The following CREB5 variants were observed in gnomAD, a reference collection of about 807,000 sequenced individuals.
CREB5 encodes cAMP responsive element binding protein 5.
Under a neutral mutation model 57.1 loss-of-function variants are expected in CREB5, and 19 were observed. The ratio of observed to expected loss-of-function variants is 0.33; its 90% confidence interval spans 0.23 to 0.49. The LOEUF is 0.49. Ranked by LOEUF, CREB5 falls within the 20% of genes least tolerant of loss-of-function variation. The probability of loss-of-function intolerance (pLI) is 0.99; values close to 1 mark genes in which losing one functional copy is unlikely to be tolerated. For synonymous variants in CREB5, 238 were observed against 238.3 expected (o/e 1.00, Z 0.01); for missense variants, 579 against 671.6 (o/e 0.86, Z 1.52).
intron 4 of CREB5, among the ~76,000 whole-genome samples, chr7:28,550,811 ACATAG>A: frequency 6.6e-6 from 1 of 152,246 alleles, no homozygotes; most frequent in East Asian, 1.9e-4. Context: ...TAAATTGCTT[ACATAG>A]CATCAATAAA....
intron 4 of CREB5, among the ~76,000 whole-genome samples, chr7:28,552,142 G>C (rs576901278): frequency 6.6e-6 from 1 of 152,094 alleles, no homozygotes; most frequent in South Asian, 2.1e-4. Flanking sequence ...CCCAGTTCAA[G>C]TGATTCTCCT....
At chr7:28,421,917 T>C (rs1208192939) in intron 1 of CREB5, among the ~76,000 whole-genome samples, 1 of 129,456 alleles carries the variant, frequency 7.7e-6, no homozygotes, top group East Asian at 2.3e-4. Flanking sequence ...AGAGTGTGTA[T>C]GTGTGTGTAT....
intron 7 of CREB5, among the ~76,000 whole-genome samples, chr7:28,783,664 C>T (rs1807128865): frequency 6.6e-6 from 1 of 152,174 alleles, no homozygotes; most frequent in Non-Finnish European, 1.5e-5. Flanking sequence ...CCAACAGCTG[C>T]ACTGAATTGA....
rs1246731457 is a variant in CREB5, at chr7:28,673,927, G to C, written c.465-44826G>C. Among the ~76,000 whole-genome samples, 7 of 151,920 alleles carry C rather than the reference G, an allele frequency of 4.6e-5. No homozygotes were observed. In the East Asian group the frequency reaches 1.4e-3, roughly 29 times the overall value. On this transcript the variant is annotated intron_variant, in intron 5 of 10. Transcript: ENST00000357727. Reference sequence around the variant, plus strand: ...GGACTCAAGTAATCTGCCCACCTCAGCCTCCCAAAGTGCCAGAATTACAGG... The same window carrying C: ...GGACTCAAGTAATCTGCCCACCTCACCCTCCCAAAGTGCCAGAATTACAGG...
chr7:28,319,755 A>G (rs1785457315), intron 1 of CREB5, among the ~76,000 whole-genome samples: 1 of 152,046 alleles, frequency 6.6e-6, no homozygotes, highest in Non-Finnish European at 1.5e-5. Context: ...GGTCTGCTTC[A>G]AGTGTTATCC....
chr7:28,375,741 GAA>G (rs532292567), intron 1 of CREB5, among the ~76,000 whole-genome samples: 8 of 118,272 alleles, frequency 6.8e-5, no homozygotes, highest in Middle Eastern at 5.4e-3. Flanking sequence ...TTCTGTTATT[GAA>G]AAAAAAAAAA....
At chr7:28,316,479 A>G (rs530526504) in intron 1 of CREB5, among the ~76,000 whole-genome samples, 9 of 152,278 alleles carry the variant, frequency 5.9e-5, no homozygotes, top group African/African-American at 1.9e-4. Flanking sequence ...GAGACAAATC[A>G]ATCAGGATAG....
At position 28,712,785 on chromosome 7, in the gene CREB5, C is replaced by T. The variant is rs1054307984; in HGVS notation, c.465-5968C>T. 1.3e-5 allele frequency among the ~76,000 whole-genome samples: 2 copies of T among 151,786 alleles called. 1 individual carries two copies. The highest frequency in any genetic ancestry group is 4.2e-4 in the South Asian group (2 of 4,816). On this transcript the variant is annotated intron_variant, in intron 5 of 10. Coordinates refer to ENST00000357727, the MANE Select transcript of CREB5 (RefSeq NM_182898.4). ...CTGACCTCAAGCAATCCGCCTGTCT[C>T]GTCCTCCCAAAGTGCTGGGATTATA...
chr7:28,540,771 A>G (rs2128627811), intron 4 of CREB5, among the ~76,000 whole-genome samples: 1 of 152,302 alleles, frequency 6.6e-6, no homozygotes, highest in Non-Finnish European at 1.5e-5. Flanking sequence ...GTAAGGTGTG[A>G]TTGTAAGAAG....
chr7:28,405,773 T>C (rs1424869222), intron 1 of CREB5, among the ~76,000 whole-genome samples: 1 of 152,166 alleles, frequency 6.6e-6, no homozygotes, highest in African/African-American at 2.4e-5. Flanking sequence ...GGCTGACCTC[T>C]TTTCTTCTCC....
chr7:28,576,073 G>A (rs952992677), intron 5 of CREB5, among the ~76,000 whole-genome samples: 6 of 152,186 alleles, frequency 3.9e-5, no homozygotes, highest in African/African-American at 4.8e-5. Flanking sequence ...CCCAGCTCTC[G>A]TCTTCGAATC....
At chr7:28,732,149 C>T (rs930525654) in intron 7 of CREB5, among the ~76,000 whole-genome samples, 1 of 152,050 alleles carries the variant, frequency 6.6e-6, no homozygotes, top group African/African-American at 2.4e-5. Context: ...CTTGGCCCTA[C>T]CTTCTCCACC....
chr7:28,709,697 A>G (rs958791652), intron 5 of CREB5, among the ~76,000 whole-genome samples: 22 of 152,158 alleles, frequency 1.4e-4, no homozygotes, highest in African/African-American at 2.4e-4. Flanking sequence ...AAAAAAAAAA[A>G]AAGAAGAAGA....
intron 5 of CREB5, among the ~76,000 whole-genome samples, chr7:28,620,211 A>G (rs918325518): frequency 6.6e-6 from 1 of 152,168 alleles, no homozygotes; most frequent in Admixed American, 6.6e-5. Flanking sequence ...ACTTTTTAGA[A>G]TTTATTTCAC....
chr7:28,300,093 TATTTATTA>T (rs929231979), intron 1 of CREB5, among the ~76,000 whole-genome samples: 3 of 77,562 alleles, frequency 3.9e-5, no homozygotes, highest in African/African-American at 5.1e-5. Flanking sequence ...TTTATTTATT[TATTTATTA>T]CTACCTTAGG....
intron 4 of CREB5, among the ~76,000 whole-genome samples, chr7:28,551,919 T>C (rs373969813): frequency 6.8e-6 from 1 of 147,840 alleles, no homozygotes; most frequent in South Asian, 2.1e-4. Context: ...TTCTTTCTCT[T>C]TTTTCTTTCT....
intron 1 of CREB5, among the ~76,000 whole-genome samples, chr7:28,474,806 G>C (rs1790990484): frequency 6.6e-6 from 1 of 152,134 alleles, no homozygotes; most frequent in African/African-American, 2.4e-5. Flanking sequence ...TATTCTAACG[G>C]CTTTACCCTG....
At chr7:28,442,596 C>T (rs535610070) in intron 1 of CREB5, among the ~76,000 whole-genome samples, 2 of 152,108 alleles carry the variant, frequency 1.3e-5, no homozygotes, top group East Asian at 3.9e-4. Context: ...TCCCTTTTCC[C>T]GCATCCACAC....
At chr7:28,669,342 G>A (rs770471111) in intron 5 of CREB5, among the ~76,000 whole-genome samples, 3 of 152,230 alleles carry the variant, frequency 2.0e-5, no homozygotes. Context: ...GAGAGCTTGT[G>A]TTTTGAGCAA....
Sources: gnomAD v4.1 joint callset for allele counts (sites outside exome capture counted in the v4.1 genomes callset) on GRCh38, gnomAD v4.1.1 for gene constraint, MANE v1.5 for transcripts, NCBI Gene and HGNC (gene_info 2026-07-23, HGNC 2026-07-21) for gene names.